TRDMT1: variants seen among roughly 807,000 people sequenced by gnomAD.
TRDMT1 encodes the protein tRNA (cytosine(38)-C(5))-methyltransferase.
Under a neutral mutation model 51.2 loss-of-function variants are expected in TRDMT1, and 49 were observed. The ratio of observed to expected loss-of-function variants is 0.96; its 90% CI spans 0.76 to 1.21. The LOEUF is 1.21. Ranked by LOEUF, TRDMT1 falls within the 50% of genes most tolerant of loss-of-function variation. The probability of loss-of-function intolerance (pLI) is 0.00; values close to 1 mark genes in which losing one functional copy is unlikely to be tolerated. For missense variants in TRDMT1, 534 were observed against 462.3 expected (o/e 1.16, Z -1.42); for synonymous variants, 187 against 164.6 (o/e 1.14, Z -1.04).
At position 17,145,188 on chromosome 10, in the gene TRDMT1, A is replaced by G. The variant is rs868781108; in HGVS notation, c.*3852T>C. On this transcript the variant is annotated 3_prime_UTR_variant, in exon 11 of 11. Coordinates refer to ENST00000377799, the MANE Select transcript of TRDMT1 (RefSeq NM_004412.7). ...CTTTAACCCAGGAGGGGGAGATTGC[A>G]GTGAGCCGAGATCACGCCACTGCAC... 5 of 744,688 alleles carry G rather than the reference A, an allele frequency of 6.7e-6. No individual in the cohort carries two copies. The Middle Eastern group carries it at 3.3e-3, about 498-fold the overall frequency. The allele number at this position is 744,688 out of a possible 1,614,324, so 46.1% of individuals were successfully genotyped here.
intron 3 of TRDMT1, among the ~76,000 whole-genome samples, chr10:17,164,703 CA>C (rs542632101): frequency 0.03 from 4,585 of 152,230 alleles, 228 homozygotes; most frequent in African/African-American, 0.1. Flanking sequence ...GCAAAAATCA[CA>C]AGCATTCTTA....
intron 3 of TRDMT1, among the ~76,000 whole-genome samples, chr10:17,164,293 A>G (rs1318314553): frequency 2.6e-5 from 4 of 152,240 alleles, no homozygotes; most frequent in Non-Finnish European, 5.9e-5. Context: ...ATAAATGCAG[A>G]AAAGACCTTT....
Position 17,143,552 on chromosome 10 carries a change from C to A in TRDMT1, c.*5488G>T, listed in dbSNP as rs1481679221. On this transcript the variant is annotated 3_prime_UTR_variant, in exon 11 of 11. Coordinates refer to ENST00000377799, the MANE Select transcript of TRDMT1 (RefSeq NM_004412.7). Reference sequence around the variant, plus strand: ...GGAACCAGCTAAGTGAGTAAAATAGCAAATATTTTAGTAAAAACGACATTC... The same window carrying A: ...GGAACCAGCTAAGTGAGTAAAATAGAAAATATTTTAGTAAAAACGACATTC... 9 of 985,180 alleles carry A rather than the reference C, an allele frequency of 9.1e-6. No individual in the cohort carries two copies. The highest frequency in any genetic ancestry group is 3.5e-5 in the African/African-American group (2 of 57,206). The allele number at this position is 985,180 out of a possible 1,614,324, so 61.0% of individuals were successfully genotyped here. A position where few individuals can be genotyped will look rare whatever the true frequency, so the allele number is the denominator to read the frequency against.
chr10:17,143,993 A>T lies in TRDMT1; in HGVS notation c.*5047T>A, dbSNP rs1278302091. The T allele has an allele frequency of 1.0e-6, 1 of 985,320 alleles. No individual in the cohort carries two copies. The highest frequency in any genetic ancestry group is 6.1e-5 in the Admixed American group (1 of 16,268). 61.0% of individuals were successfully genotyped at this position (985,320 alleles called of 1,614,324 possible). ...CCCAGCATGAAGATTCTAGAATAGG[A>T]CTTAGGAAAACAGCAGATTTAGAGT... On this transcript the variant is annotated 3_prime_UTR_variant, in exon 11 of 11. Transcript: ENST00000377799.
intron 1 of TRDMT1, among the ~76,000 whole-genome samples, chr10:17,190,511 G>A (rs543370979): frequency 6.6e-6 from 1 of 150,936 alleles, no homozygotes; most frequent in South Asian, 2.1e-4. Context: ...ATTTTACAGT[G>A]AGTAAAGACC....
chr10:17,193,660 G>A (rs1342306030), intron 1 of TRDMT1, among the ~76,000 whole-genome samples: 1 of 152,092 alleles, frequency 6.6e-6, no homozygotes, highest in Non-Finnish European at 1.5e-5. Context: ...ACATCATACA[G>A]GTGACAAACA....
At chr10:17,160,498 G>A (rs997615821) in intron 5 of TRDMT1, 124 bp from the exon 6 acceptor site, 7 of 531,214 alleles carry the variant, frequency 1.3e-5, no homozygotes, top group Non-Finnish European at 1.8e-5. Context: ...TTGAGACAGA[G>A]TCTCACTCTG....
intron 8 of TRDMT1, among the ~76,000 whole-genome samples, chr10:17,155,969 ATTGAACTT>A (rs1170117299): frequency 1.3e-5 from 2 of 152,202 alleles, no homozygotes; most frequent in Non-Finnish European, 2.9e-5. Flanking sequence ...AACAGAACCT[ATTGAACTT>A]GGTAATTGAC....
At chr10:17,186,883 G>A (rs888598688) in intron 1 of TRDMT1, among the ~76,000 whole-genome samples, 3 of 152,044 alleles carry the variant, frequency 2.0e-5, no homozygotes, top group Admixed American at 1.3e-4. Flanking sequence ...AATGGCAAGC[G>A]AAAATATTCA....
intron 1 of TRDMT1, among the ~76,000 whole-genome samples, chr10:17,190,038 A>G (rs985094386): frequency 6.6e-6 from 1 of 152,184 alleles, no homozygotes; most frequent in Non-Finnish European, 1.5e-5. Context: ...GTTTGTGTTG[A>G]TTTAAAGTCT....
chr10:17,201,512 G>T, intron 1 of TRDMT1, 59 bp downstream of exon 1: 1 of 1,483,334 alleles, frequency 6.7e-7, no homozygotes, highest in Non-Finnish European at 9.1e-7. Flanking sequence ...TTCCCGGCGC[G>T]GGTGCTCCAA....
chr10:17,141,444 G>C lies in TRDMT1; in HGVS notation c.*7596C>G, dbSNP rs1435799865. 2.0e-5 allele frequency among the ~76,000 whole-genome samples: 3 copies of C among 152,114 alleles called. No individual in the cohort carries two copies. The highest frequency in any genetic ancestry group is 7.2e-5 in the African/African-American group (3 of 41,408). On this transcript the variant is annotated 3_prime_UTR_variant, in exon 11 of 11. Coordinates refer to ENST00000377799, the MANE Select transcript of TRDMT1 (RefSeq NM_004412.7). ...TAAAGTGCTGGGATTACAGGTGTCAGCCACCGCGCCCAGCCTCCAGCTGCT... is the reference window on the plus strand; with the variant it reads ...TAAAGTGCTGGGATTACAGGTGTCACCCACCGCGCCCAGCCTCCAGCTGCT...
intron 3 of TRDMT1, among the ~76,000 whole-genome samples, chr10:17,165,196 A>G (rs1381590150): frequency 6.6e-6 from 1 of 152,182 alleles, no homozygotes; most frequent in African/African-American, 2.4e-5. Context: ...AACAGAACAG[A>G]GCCCTCAGAA....
At chr10:17,172,948 C>T (rs193299773) in intron 2 of TRDMT1, among the ~76,000 whole-genome samples, 14 of 151,956 alleles carry the variant, frequency 9.2e-5, no homozygotes, top group Non-Finnish European at 1.9e-4. Context: ...ATCTTGTAAA[C>T]CCTAGAGAAT....
At chr10:17,175,924 C>G (rs1436875635) in intron 1 of TRDMT1, among the ~76,000 whole-genome samples, 1 of 152,150 alleles carries the variant, frequency 6.6e-6, no homozygotes, top group East Asian at 1.9e-4. Context: ...AAAGTAAGAT[C>G]CCCTGCGTGC....
chr10:17,166,426 G>A (rs1424539992), intron 3 of TRDMT1, among the ~76,000 whole-genome samples: 1 of 151,504 alleles, frequency 6.6e-6, no homozygotes, highest in Non-Finnish European at 1.5e-5. Context: ...TGTAAATGAT[G>A]AGTTAATGGG....
chr10:17,191,862 T>G (rs1334905812), intron 1 of TRDMT1, among the ~76,000 whole-genome samples: 1 of 152,150 alleles, frequency 6.6e-6, no homozygotes, highest in Non-Finnish European at 1.5e-5. Flanking sequence ...GTGATCTGAC[T>G]CCTCAAGACA....
chr10:17,152,572 C>T (rs1838890430), intron 10 of TRDMT1, among the ~76,000 whole-genome samples: 1 of 152,326 alleles, frequency 6.6e-6, no homozygotes, highest in South Asian at 2.1e-4. Flanking sequence ...AAGCACATTT[C>T]CTCCTTCTCT....
Position 17,143,464 on chromosome 10 carries a change from C to T in TRDMT1, c.*5576G>A, listed in dbSNP as rs1837846211. On this transcript the variant is annotated 3_prime_UTR_variant, in exon 11 of 11. Transcript: ENST00000377799. ...CTCATTTCTACTACACAAGGAGTAT[C>T]ACATTCCATTCAGTGTTTTCAGTCA... The T allele has an allele frequency of 1.0e-6, 1 of 985,306 alleles. No homozygotes were observed. The highest frequency in any genetic ancestry group is 1.7e-5 in the African/African-American group (1 of 57,232). The allele number at this position is 985,306 out of a possible 1,614,324, so 61.0% of individuals were successfully genotyped here.
Sources: allele counts gnomAD v4.1 joint callset (sites outside exome capture counted in the v4.1 genomes callset), GRCh38; gene constraint gnomAD v4.1.1; transcripts MANE v1.5; gene names NCBI Gene and HGNC (gene_info 2026-07-23, HGNC 2026-07-21).